MMP26: variants seen among roughly 807,000 people sequenced by gnomAD.
The protein encoded by MMP26 is matrix metalloproteinase-26.
A neutral mutation model predicts 31.0 loss-of-function variants in MMP26; 33 were observed. The ratio of observed to expected loss-of-function variants is 1.06; its 90% confidence interval spans 0.81 to 1.42. The LOEUF is 1.42. Ranked by LOEUF, MMP26 falls within the 40% of genes most tolerant of loss-of-function variation. The probability of loss-of-function intolerance (pLI) is 0.00; values close to 1 mark genes in which losing one functional copy is unlikely to be tolerated. For missense variants in MMP26, 347 were observed against 316.1 expected, an observed-to-expected ratio of 1.10 and a Z score of -0.74; for synonymous variants, 122 against 114.9, an observed-to-expected ratio of 1.06 and a Z score of -0.40.
intron 2 of MMP26, among the ~76,000 whole-genome samples, chr11:4,864,166 A>T (rs927538469): frequency 1.3e-5 from 2 of 152,030 alleles, no homozygotes; most frequent in Non-Finnish European, 2.9e-5. Context: ...AGGAACATAT[A>T]AAAAAAAGAT....
chr11:4,813,098 G>T (rs995724415), intron 2 of MMP26, among the ~76,000 whole-genome samples: 1 of 151,832 alleles, frequency 6.6e-6, no homozygotes, highest in Non-Finnish European at 1.5e-5. Context: ...TTCGCTATCT[G>T]GGTTCAAGAG....
At chr11:4,794,511 G>A (rs1849077800) in intron 2 of MMP26, among the ~76,000 whole-genome samples, 1 of 152,022 alleles carries the variant, frequency 6.6e-6, no homozygotes, top group Non-Finnish European at 1.5e-5. Flanking sequence ...GTCTTTATTG[G>A]TCGTTGGGTT....
chr11:4,874,672 C>A (rs1850356483), intron 2 of MMP26, among the ~76,000 whole-genome samples: 1 of 151,830 alleles, frequency 6.6e-6, no homozygotes, highest in South Asian at 2.1e-4. Context: ...GCACTACTTT[C>A]TTTTAGTCCT....
At chr11:4,882,959 T>C (rs1472730177) in intron 2 of MMP26, 9 of 1,188,662 alleles carry the variant, frequency 7.6e-6, no homozygotes, top group Non-Finnish European at 1.1e-5. Flanking sequence ...ACAGGTGTTT[T>C]GGTTGCTGAG....
At chr11:4,742,855 T>C (rs1484092421) in intron 1 of MMP26, among the ~76,000 whole-genome samples, 1 of 152,142 alleles carries the variant, frequency 6.6e-6, no homozygotes, top group East Asian at 1.9e-4. Context: ...TACTATGTGG[T>C]TTATGTGAAT....
intron 2 of MMP26, among the ~76,000 whole-genome samples, chr11:4,968,270 C>A (rs1409287919): frequency 6.6e-6 from 1 of 151,872 alleles, no homozygotes; most frequent in Non-Finnish European, 1.5e-5. Flanking sequence ...CAAATATAAC[C>A]TAGGAAAGGT....
chr11:4,746,141 A>G (rs73390898), intron 1 of MMP26, among the ~76,000 whole-genome samples: 2,466 of 152,318 alleles, frequency 0.016, 61 homozygotes, highest in African/African-American at 0.057. Flanking sequence ...TTCATAGTCA[A>G]TCTTATGTTC....
At chr11:4,751,710 T>G (rs1235541912) in intron 1 of MMP26, among the ~76,000 whole-genome samples, 1 of 152,176 alleles carries the variant, frequency 6.6e-6, no homozygotes, top group Non-Finnish European at 1.5e-5. Context: ...ATTTATTTGT[T>G]TCTTTTTAAA....
At chr11:4,725,019 C>G (rs556493808) in intron 1 of MMP26, among the ~76,000 whole-genome samples, 4 of 152,334 alleles carry the variant, frequency 2.6e-5, no homozygotes, top group African/African-American at 9.6e-5. Context: ...CACCATCCCT[C>G]TTGGTGCTGT....
chr11:4,807,407 C>A (rs973661766), intron 2 of MMP26, among the ~76,000 whole-genome samples: 1 of 152,164 alleles, frequency 6.6e-6, no homozygotes, highest in Non-Finnish European at 1.5e-5. Flanking sequence ...GAAAATGTGG[C>A]ACATATACCC....
rs191445404 is a variant in MMP26 at position 4,841,698 on chromosome 11, C to T, written c.-145+74357C>T. 3.2e-4 allele frequency among the ~76,000 whole-genome samples: 48 copies of T among 152,184 alleles called. No homozygotes were observed. The East Asian group carries it at 6.6e-3, about 21-fold the overall frequency. On this transcript the variant is annotated intron_variant, in intron 2 of 7. Transcript: ENST00000380390. ...CTGTAATCCCAGCACTTTGGGAGGC[C>T]GAAGCAGGCAGATCACCTGAGGTCA...
chr11:4,877,241 G>A (rs1336537137), intron 2 of MMP26: 2 of 152,096 alleles, frequency 1.3e-5, no homozygotes, highest in Non-Finnish European at 2.9e-5. Context: ...AGGCAGTATT[G>A]AGCATTGCTT....
chr11:4,776,266 G>T (rs988755717), intron 2 of MMP26, among the ~76,000 whole-genome samples: 6 of 151,800 alleles, frequency 4.0e-5, no homozygotes, highest in African/African-American at 1.5e-4. Flanking sequence ...GTGAGTGATG[G>T]TATCTTTTTT....
chr11:4,917,522 A>G (rs1424707033), intron 2 of MMP26, among the ~76,000 whole-genome samples: 2 of 152,214 alleles, frequency 1.3e-5, no homozygotes, highest in African/African-American at 4.8e-5. Context: ...AGATATACAC[A>G]GACACTTTCT....
intron 2 of MMP26, among the ~76,000 whole-genome samples, chr11:4,801,542 T>G (rs1048423533): frequency 6.7e-6 from 1 of 149,636 alleles, no homozygotes; most frequent in Non-Finnish European, 1.5e-5. Context: ...ATTTATTTAT[T>G]TATTTATTTA....
intron 2 of MMP26, chr11:4,848,400 TG>T: frequency 6.2e-7 from 1 of 1,613,886 alleles, no homozygotes; most frequent in Non-Finnish European, 8.5e-7. Flanking sequence ...CAGCTCAGGA[TG>T]GTTAATCAGT....
intron 2 of MMP26, chr11:4,822,589 T>C (rs1031285045): frequency 1.2e-5 from 5 of 403,494 alleles, no homozygotes; most frequent in African/African-American, 6.2e-5. Flanking sequence ...AAGAAACATA[T>C]ATAAACAACT....
chr11:4,865,428 A>G (rs1454589803), intron 2 of MMP26, among the ~76,000 whole-genome samples: 2 of 152,242 alleles, frequency 1.3e-5, no homozygotes, highest in East Asian at 3.9e-4. Context: ...CTCTTTGCTC[A>G]AAAAGGGGGA....
chr11:4,908,189 C>T lies in MMP26; in HGVS notation c.-144-79879C>T, dbSNP rs150088577. Reference sequence around the variant, plus strand: ...GCACAAAAGCCCTCTTGTTGTGATCCTTATTGCAGATATGTTCTTGTTGGT... The same window carrying T: ...GCACAAAAGCCCTCTTGTTGTGATCTTTATTGCAGATATGTTCTTGTTGGT... On this transcript the variant is annotated intron_variant, in intron 2 of 7. Coordinates refer to ENST00000380390, the MANE Select transcript of MMP26 (RefSeq NM_021801.5). 197 of 1,614,180 alleles carry T rather than the reference C, an allele frequency of 1.2e-4. No homozygotes were observed. Among genetic ancestry groups the T allele is most frequent in the Middle Eastern group, 6.6e-4 (4 of 6,062 alleles).
Sources: allele counts gnomAD v4.1 joint callset (sites outside exome capture counted in the v4.1 genomes callset), GRCh38; gene constraint gnomAD v4.1.1; transcripts MANE v1.5; gene names NCBI Gene and HGNC (gene_info 2026-07-23, HGNC 2026-07-21).